The following CTIF variants were observed in gnomAD, a reference collection of about 807,000 sequenced individuals.
CTIF encodes CBP80/20-dependent translation initiation factor.
Under a neutral mutation model 66.0 loss-of-function variants are expected in CTIF, and 21 were observed. The observed-to-expected ratio is 0.32, with a 90% CI of 0.23 to 0.46. The LOEUF is 0.46. CTIF is among the 20% of genes least tolerant of loss of function. CTIF has a pLI of 1.00. For synonymous variants in CTIF, 345 were observed against 326.4 expected (o/e 1.06, Z -0.62); for missense variants, 739 against 812.7 (o/e 0.91, Z 1.10).
At chr18:48,754,065 C>T (rs1015047642) in intron 7 of CTIF, among the ~76,000 whole-genome samples, 4 of 152,226 alleles carry the variant, frequency 2.6e-5, no homozygotes, top group South Asian at 2.1e-4. Flanking sequence ...TGCTGGGGAA[C>T]GAGGCCTAAC....
In CTIF at chr18:48,749,021, G is replaced by C. The variant is rs369029700; in HGVS notation, c.585-8898G>C. Reference sequence around the variant, plus strand: ...TCCCCAGCCCTCTTTTATTAGACAGGCTCCATGATTGGTCGCACCTGGGAT... The same window carrying C: ...TCCCCAGCCCTCTTTTATTAGACAGCCTCCATGATTGGTCGCACCTGGGAT... On this transcript the variant is annotated intron_variant, in intron 7 of 11. Transcript: ENST00000256413. 1.1e-3 allele frequency among the ~76,000 whole-genome samples: 164 copies of C among 152,316 alleles called. 8 individuals are homozygous for C. The South Asian group carries it at 0.033, about 30-fold the overall frequency.
intron 6 of CTIF, among the ~76,000 whole-genome samples, chr18:48,703,235 T>C (rs890559719): frequency 6.6e-6 from 1 of 152,176 alleles, no homozygotes; most frequent in Non-Finnish European, 1.5e-5. Context: ...AGAGGGGGAC[T>C]GTAGCTTCCA....
At chr18:48,641,761 A>G (rs1041475377) in intron 3 of CTIF, among the ~76,000 whole-genome samples, 1 of 152,192 alleles carries the variant, frequency 6.6e-6, no homozygotes, top group Non-Finnish European at 1.5e-5. Context: ...GAAACACCCA[A>G]CTGGATCCAA....
chr18:48,603,270 C>A (rs1310300926), intron 1 of CTIF, among the ~76,000 whole-genome samples: 2 of 126,834 alleles, frequency 1.6e-5, no homozygotes, highest in Non-Finnish European at 3.3e-5. Flanking sequence ...GGATGCAGGG[C>A]AGGTGGGTGG....
At chr18:48,792,259 G>C (rs933255114) in intron 9 of CTIF, among the ~76,000 whole-genome samples, 2 of 152,030 alleles carry the variant, frequency 1.3e-5, no homozygotes, top group African/African-American at 4.8e-5. Context: ...AGAGGCAGGA[G>C]TGTGCCTGCC....
chr18:48,704,456 C>T (rs993741459), intron 6 of CTIF, among the ~76,000 whole-genome samples: 2 of 152,222 alleles, frequency 1.3e-5, no homozygotes, highest in African/African-American at 4.8e-5. Context: ...GCCCACCACT[C>T]CACCTGGGTT....
intron 1 of CTIF, among the ~76,000 whole-genome samples, chr18:48,616,529 A>G (rs577380130): frequency 1.3e-5 from 2 of 152,356 alleles, no homozygotes; most frequent in East Asian, 1.9e-4. Context: ...ATAGTCGTGC[A>G]GACCTGGAAC....
At chr18:48,676,708 G>A (rs2091635568) in intron 6 of CTIF, among the ~76,000 whole-genome samples, 1 of 151,906 alleles carries the variant, frequency 6.6e-6, no homozygotes, top group South Asian at 2.1e-4. Context: ...TGGCTTTCTG[G>A]CCTCCTGAGC....
At chr18:48,754,834 G>T (rs1050212577) in intron 7 of CTIF, among the ~76,000 whole-genome samples, 1 of 152,242 alleles carries the variant, frequency 6.6e-6, no homozygotes, top group Non-Finnish European at 1.5e-5. Context: ...GAACCAGAAA[G>T]ACATGGAATT....
intron 7 of CTIF, among the ~76,000 whole-genome samples, chr18:48,721,967 C>T (rs1386894897): frequency 1.3e-5 from 2 of 152,188 alleles, no homozygotes; most frequent in Non-Finnish European, 2.9e-5. Flanking sequence ...GGACACTTCT[C>T]AGGGATATTC....
intron 1 of CTIF, among the ~76,000 whole-genome samples, chr18:48,600,655 T>C (rs1422485895): frequency 6.6e-6 from 1 of 151,952 alleles, no homozygotes; most frequent in Non-Finnish European, 1.5e-5. Flanking sequence ...ATATTTCTTC[T>C]GAGCTCTGAT....
chr18:48,860,129 A>G lies in CTIF; in HGVS notation c.*570A>G. On this transcript the variant is annotated 3_prime_UTR_variant, in exon 12 of 12. Coordinates refer to ENST00000256413, the MANE Select transcript of CTIF (RefSeq NM_014772.3). The stretch of plus-strand genomic sequence containing the variant: ...ATTGACGGCCTTTGTCAGCCATGGC[A>G]GAGCTGACGCTCCACCTCCCACCTC... The G allele has an allele frequency of 2.7e-6, 1 of 371,164 alleles. No individual in the cohort carries two copies. Among genetic ancestry groups the G allele is most frequent in the Admixed American group, 3.2e-5 (1 of 31,098 alleles). The allele number at this position is 371,164 out of a possible 1,614,324, so 23.0% of individuals were successfully genotyped here. A position where few individuals can be genotyped will look rare whatever the true frequency, so the allele number is the denominator to read the frequency against.
At chr18:48,562,868 T>A (rs1490402307) in intron 1 of CTIF, among the ~76,000 whole-genome samples, 3 of 152,342 alleles carry the variant, frequency 2.0e-5, no homozygotes, top group African/African-American at 7.2e-5. Flanking sequence ...ACCAGTAATC[T>A]ATTGGAACCA....
intron 7 of CTIF, among the ~76,000 whole-genome samples, chr18:48,715,438 A>AGCAT (rs1327950362): frequency 6.6e-6 from 1 of 152,226 alleles, no homozygotes; most frequent in African/African-American, 2.4e-5. Context: ...CTCAAAGAGC[A>AGCAT]GCATGCCTTC....
chr18:48,827,695 C>A (rs1008518191), intron 10 of CTIF, among the ~76,000 whole-genome samples: 20 of 152,320 alleles, frequency 1.3e-4, no homozygotes, highest in African/African-American at 4.1e-4. Context: ...AGGTACCCAG[C>A]CCCTGGGCAC....
At chr18:48,646,880 T>C (rs193260277) in intron 3 of CTIF, among the ~76,000 whole-genome samples, 7 of 121,218 alleles carry the variant, frequency 5.8e-5, no homozygotes, top group Non-Finnish European at 1.1e-4. Context: ...ATAGCCATTC[T>C]GGAAAACAGT....
In CTIF at chr18:48,656,281, G is replaced by A. The variant is rs143796673; in HGVS notation, c.253-7471G>A. Among the ~76,000 whole-genome samples the A allele has an allele frequency of 5.4e-3, 828 of 152,370 alleles. 4 individuals carry two copies. Among genetic ancestry groups the A allele is most frequent in the Middle Eastern group, 0.02 (6 of 294 alleles). On this transcript the variant is annotated intron_variant, in intron 3 of 11. Coordinates refer to ENST00000256413, the MANE Select transcript of CTIF (RefSeq NM_014772.3). ...GCATGCATAGTGTACAGTGGTTAGAGCATGGCCTCTGGGCCACACTGTCTG... is the reference window on the plus strand; with the variant it reads ...GCATGCATAGTGTACAGTGGTTAGAACATGGCCTCTGGGCCACACTGTCTG...
intron 6 of CTIF, among the ~76,000 whole-genome samples, chr18:48,711,275 C>T (rs2092220658): frequency 6.6e-6 from 1 of 152,192 alleles, no homozygotes; most frequent in Non-Finnish European, 1.5e-5. Context: ...GAACCTGGCC[C>T]CAGCTCTGTT....
chr18:48,646,652 TAGG>T (rs1296123821), intron 3 of CTIF, among the ~76,000 whole-genome samples: 2 of 150,462 alleles, frequency 1.3e-5, no homozygotes, highest in African/African-American at 4.9e-5. Context: ...AAGGCTGAGG[TAGG>T]AGGATCACTT....
Sources: gnomAD v4.1 joint callset for allele counts (sites outside exome capture counted in the v4.1 genomes callset) on GRCh38, gnomAD v4.1.1 for gene constraint, MANE v1.5 for transcripts, NCBI Gene and HGNC (gene_info 2026-07-23, HGNC 2026-07-21) for gene names.